MCMBP: variants seen among roughly 807,000 people sequenced by gnomAD.
The protein encoded by MCMBP is mini-chromosome maintenance complex-binding protein.
A neutral mutation model predicts 81.3 loss-of-function variants in MCMBP; 31 were observed. That is an observed-to-expected ratio of 0.38 (90% CI 0.29 to 0.51). MCMBP has a LOEUF of 0.51. Among genes scored for constraint, MCMBP ranks in the 20% least tolerant of loss-of-function variants. The pLI is 0.87. For synonymous variants in MCMBP, 267 were observed against 275.9 expected (o/e 0.97, Z 0.32); for missense variants, 645 against 772.1 (o/e 0.84, Z 1.95).
rs1217092820 is a variant in MCMBP at position 119,847,571 on chromosome 10, T to A, written c.827+42A>T. 2.5e-6 allele frequency: 3 copies of A among 1,219,030 alleles called. No homozygotes were observed. In the African/African-American group the frequency reaches 4.6e-5, roughly 19 times the overall value. The allele number at this position is 1,219,030 out of a possible 1,614,324, so 75.5% of individuals were successfully genotyped here. A position where few individuals can be genotyped will look rare whatever the true frequency, so the allele number is the denominator to read the frequency against. On this transcript the variant is annotated intron_variant, in intron 8 of 15. Coordinates refer to ENST00000369077, the MANE Select transcript of MCMBP (RefSeq NM_001256378.2). ...TAACTCTCCTGAAAACTTGAAATTATATAAAAATAAAGGAGACCAAAAAAA... is the reference window on the plus strand; with the variant it reads ...TAACTCTCCTGAAAACTTGAAATTAAATAAAAATAAAGGAGACCAAAAAAA...
rs1420643119 is a variant in MCMBP, at chr10:119,847,604, C to G, written c.827+9G>C. On this transcript the variant is annotated intron_variant, in intron 8 of 15. Coordinates refer to ENST00000369077, the MANE Select transcript of MCMBP (RefSeq NM_001256378.2). Reference sequence around the variant, plus strand: ...TAAAGGAGACCAAAAAAAGAGCACACAGACTCACCTTTCATCATTATTCAG... The same window carrying G: ...TAAAGGAGACCAAAAAAAGAGCACAGAGACTCACCTTTCATCATTATTCAG... The G allele has an allele frequency of 1.3e-6, 2 of 1,547,974 alleles. No individual in the cohort carries two copies. The highest frequency in any genetic ancestry group is 4.5e-5 in the East Asian group (2 of 44,226).
At position 119,842,028 on chromosome 10, in the gene MCMBP, C is replaced by T. The variant is rs957827291; in HGVS notation, c.1124+444G>A. Reference sequence around the variant, plus strand: ...TGAGTGGGCATTACCGCCTGAGTTCCGCCTCCTGTCAGATCAGCAGTGGCA... The same window carrying T: ...TGAGTGGGCATTACCGCCTGAGTTCTGCCTCCTGTCAGATCAGCAGTGGCA... On this transcript the variant is annotated intron_variant, in intron 10 of 15. Transcript: ENST00000369077. 5.3e-5 allele frequency among the ~76,000 whole-genome samples: 8 copies of T among 152,150 alleles called. No individual in the cohort carries two copies. In the East Asian group the frequency reaches 5.8e-4, roughly 11 times the overall value.
At chr10:119,838,489 A>G in intron 12 of MCMBP, 46 bp downstream of exon 12, 1 of 1,563,508 alleles carries the variant, frequency 6.4e-7, no homozygotes, top group Non-Finnish European at 8.7e-7. Context: ...ATCTGGCTTT[A>G]GTGCGAAGGA....
At chr10:119,866,607 CAG>C (rs1290761386) in intron 1 of MCMBP, among the ~76,000 whole-genome samples, 18 of 151,950 alleles carry the variant, frequency 1.2e-4, no homozygotes, top group African/African-American at 4.1e-4. Flanking sequence ...GCCTGGGCAA[CAG>C]AGTGAGACTC....
Position 119,831,308 on chromosome 10 carries a change from C to T in MCMBP, c.*166G>A. 1 of 596,692 alleles carries T rather than the reference C, an allele frequency of 1.7e-6. No homozygotes were observed. Among genetic ancestry groups the T allele is most frequent in the Non-Finnish European group, 2.7e-6 (1 of 374,346 alleles). 37.0% of individuals were successfully genotyped at this position (596,692 alleles called of 1,614,324 possible). ...CCATGAAATCAGTAAGGTAAAAGTC[C>T]TTACTGAATATCATATAAACATCAG... is the stretch of plus-strand genomic sequence containing the variant. On this transcript the variant is annotated 3_prime_UTR_variant, in exon 16 of 16. Transcript: ENST00000369077.
Position 119,847,598 on chromosome 10 carries a change from A to G in MCMBP, c.827+15T>C, listed in dbSNP as rs201978805. ...TAAAAATAAAGGAGACCAAAAAAAG[A>G]GCACACAGACTCACCTTTCATCATT... On this transcript the variant is annotated intron_variant, in intron 8 of 15. Coordinates refer to ENST00000369077, the MANE Select transcript of MCMBP (RefSeq NM_001256378.2). 218 of 1,495,614 alleles carry G rather than the reference A, an allele frequency of 1.5e-4. 2 individuals are homozygous for G. The highest frequency in any genetic ancestry group is 1.0e-3 in the Middle Eastern group (6 of 5,746). The allele number at this position is 1,495,614 out of a possible 1,614,324, so 92.6% of individuals were successfully genotyped here.
Position 119,866,631 on chromosome 10 carries a change from A to G in MCMBP, c.58+5896T>C, listed in dbSNP as rs546950037. Among the ~76,000 whole-genome samples the G allele has an allele frequency of 3.0e-4, 46 of 152,240 alleles. 1 individual carries two copies. In the South Asian group the frequency reaches 8.9e-3, roughly 30 times the overall value. On this transcript the variant is annotated intron_variant, in intron 1 of 15. Coordinates refer to ENST00000369077, the MANE Select transcript of MCMBP (RefSeq NM_001256378.2). ...ACAGAGTGAGACTCCGTCTCAAAAA[A>G]AAGAGAAAAAGATAGTGGTGGTGAT...
intron 10 of MCMBP, among the ~76,000 whole-genome samples, chr10:119,841,590 G>C (rs1480693308): frequency 6.6e-6 from 1 of 152,212 alleles, no homozygotes. Context: ...TCTGTGCTTA[G>C]AGTGTAACTA....
chr10:119,861,203 T>TTCAA (rs1853243727), intron 1 of MCMBP, among the ~76,000 whole-genome samples: 1 of 152,222 alleles, frequency 6.6e-6, no homozygotes, highest in African/African-American at 2.4e-5. Context: ...TAACACCATG[T>TTCAA]TTGAGCAGGA....
chr10:119,838,580 C>T lies in MCMBP; in HGVS notation c.1363G>A (p.Val455Ile). ...TGTTCCAGGAGAGTCTCATCGATTA[C>T]AAGGGAAGTATTGCTGGGCAGCTGG... ...LLQLPSNTSL[V>I]IDETLLEQGQ... is the part of the protein sequence containing the mutation. Residue 455 changes from valine to isoleucine, a missense_variant, in exon 12 of 16, where the codon GTA becomes ATA. By Grantham distance (29) the Val-to-Ile change is conservative. Coordinates refer to ENST00000369077, the MANE Select transcript of MCMBP (RefSeq NM_001256378.2). The T allele has an allele frequency of 1.2e-6, 2 of 1,614,090 alleles. No individual in the cohort carries two copies. Among genetic ancestry groups the T allele is most frequent in the African/African-American group, 1.3e-5 (1 of 75,024 alleles).
chr10:119,831,280 G>T lies in MCMBP; in HGVS notation c.*194C>A. 2.4e-6 allele frequency: 1 copy of T among 408,828 alleles called. No homozygotes were observed. The highest frequency in any genetic ancestry group is 4.2e-6 in the Non-Finnish European group (1 of 236,492). The allele number at this position is 408,828 out of a possible 1,614,324, so 25.3% of individuals were successfully genotyped here. On this transcript the variant is annotated 3_prime_UTR_variant, in exon 16 of 16. Transcript: ENST00000369077. ...AATTATTATAAAACAAACTTCAAAA[G>T]CTCCATGAAATCAGTAAGGTAAAAG... is the stretch of plus-strand genomic sequence containing the variant.
chr10:119,835,445 TAAC>T (rs1206414650), intron 14 of MCMBP, 92 bp downstream of exon 14: 2 of 1,137,224 alleles, frequency 1.8e-6, no homozygotes, highest in Non-Finnish European at 2.5e-6. Flanking sequence ...AGAAAACAAA[TAAC>T]AAAATTACCT....
At chr10:119,838,294 A>G (rs1589777454) in intron 12 of MCMBP, among the ~76,000 whole-genome samples, 1 of 145,866 alleles carries the variant, frequency 6.9e-6, no homozygotes, top group Admixed American at 6.8e-5. Flanking sequence ...TATATTATAT[A>G]AGATATATTA....
At chr10:119,849,359 C>A (rs1162338409) in intron 7 of MCMBP, 66 bp downstream of exon 7, 1 of 1,517,942 alleles carries the variant, frequency 6.6e-7, no homozygotes, top group Non-Finnish European at 8.9e-7. Flanking sequence ...TGCAAATGCT[C>A]AGACACTAAG....
chr10:119,835,040 A>C (rs556021480), intron 14 of MCMBP, among the ~76,000 whole-genome samples: 24 of 152,316 alleles, frequency 1.6e-4, no homozygotes, highest in African/African-American at 5.3e-4. Flanking sequence ...ATAGTACAGA[A>C]GTCTTTTCCA....
At chr10:119,856,260 A>C (rs1564882719) in intron 5 of MCMBP, among the ~76,000 whole-genome samples, 1 of 152,192 alleles carries the variant, frequency 6.6e-6, no homozygotes. Context: ...AAACAAAAAG[A>C]ACTGAATTGG....
chr10:119,831,476 A>C lies in MCMBP; in HGVS notation c.1921T>G (p.Ter641GluextTer8). 1 of 1,613,890 alleles carries C rather than the reference A, an allele frequency of 6.2e-7. No homozygotes were observed. The highest frequency in any genetic ancestry group is 8.5e-7 in the Non-Finnish European group (1 of 1,179,836). The change falls in exon 16 of 16, where the codon TAA becomes GAA. Residue 641 changes from the stop codon to glutamate (E), a stop_lost. Transcript: ENST00000369077. ...QQKCVNGNEL[*>E] Reference sequence around the variant, plus strand: ...TACTCTTCATAGGTATTACATCTTTAAAGTTCATTTCCATTCACACATTTT... The same window carrying C: ...TACTCTTCATAGGTATTACATCTTTCAAGTTCATTTCCATTCACACATTTT...
intron 1 of MCMBP, among the ~76,000 whole-genome samples, chr10:119,861,201 T>C (rs1255874262): frequency 6.6e-6 from 1 of 152,230 alleles, no homozygotes. Context: ...CCTAACACCA[T>C]GTTTGAGCAG....
At chr10:119,871,547 AAG>A (rs1474230316) in intron 1 of MCMBP, among the ~76,000 whole-genome samples, 1 of 152,174 alleles carries the variant, frequency 6.6e-6, no homozygotes, top group African/African-American at 2.4e-5. Flanking sequence ...GCCCTCCTAT[AAG>A]AAATACCATA....
Sources: allele counts gnomAD v4.1 joint callset (sites outside exome capture counted in the v4.1 genomes callset), GRCh38; gene constraint gnomAD v4.1.1; transcripts MANE v1.5; gene names NCBI Gene and HGNC (gene_info 2026-07-23, HGNC 2026-07-21).